The following PPP2R2B variants were observed in gnomAD, a reference collection of about 807,000 sequenced individuals.
PPP2R2B encodes the protein protein phosphatase 2 regulatory subunit Bbeta, also known as serine/threonine-protein phosphatase 2A 55 kDa regulatory subunit B beta isoform.
In PPP2R2B, 5 loss-of-function variants were observed where a neutral mutation model predicts 46.0. The observed-to-expected ratio is 0.11, with a 90% CI of 0.06 to 0.23. The LOEUF is 0.23. PPP2R2B is among the 10% of genes least tolerant of loss of function. The pLI is 1.00. For missense variants in PPP2R2B, 367 were observed against 575.0 expected, an observed-to-expected ratio of 0.64 and a Z score of 3.70; for synonymous variants, 215 against 206.7, an observed-to-expected ratio of 1.04 and a Z score of -0.34.
Position 146,619,727 on chromosome 5 carries a change from G to A in PPP2R2B, c.790+18524C>T, listed in dbSNP as rs569620604. On this transcript the variant is annotated intron_variant, in intron 7 of 9. Coordinates refer to ENST00000394411, the MANE Select transcript of PPP2R2B (RefSeq NM_181675.4). ...CAGTGATGATGGTGATGTCTGTGGT[G>A]CACTGGCATGTGCTGGGGCTGGATC... Among the ~76,000 whole-genome samples the A allele has an allele frequency of 9.2e-5, 14 of 152,276 alleles. No individual in the cohort carries two copies. The East Asian group carries it at 2.7e-3, about 29-fold the overall frequency.
chr5:146,892,188 A>T (rs906077211), intron 1 of PPP2R2B, among the ~76,000 whole-genome samples: 16 of 152,208 alleles, frequency 1.1e-4, no homozygotes, highest in Non-Finnish European at 8.8e-5. Context: ...ACAATAGAAT[A>T]AAAAGAGTCC....
At chr5:146,681,212 T>C (rs1280298467) in intron 5 of PPP2R2B, among the ~76,000 whole-genome samples, 1 of 152,256 alleles carries the variant, frequency 6.6e-6, no homozygotes, top group Non-Finnish European at 1.5e-5. Flanking sequence ...AGTCCTCTAC[T>C]GATTTCAAAT....
intron 2 of PPP2R2B, among the ~76,000 whole-genome samples, chr5:146,792,946 A>AT (rs1407381698): frequency 1.6e-4 from 25 of 152,212 alleles, no homozygotes; most frequent in Admixed American, 6.5e-4. Flanking sequence ...ATCTGACCTA[A>AT]TTTTTTATAG....
At chr5:146,956,632 T>G (rs1751923232) in intron 1 of PPP2R2B, among the ~76,000 whole-genome samples, 1 of 152,202 alleles carries the variant, frequency 6.6e-6, no homozygotes, top group African/African-American at 2.4e-5. Flanking sequence ...TATAGCTCTT[T>G]CCAGAAGACA....
At chr5:146,634,654 G>C (rs1323368976) in intron 7 of PPP2R2B, among the ~76,000 whole-genome samples, 1 of 151,980 alleles carries the variant, frequency 6.6e-6, no homozygotes, top group East Asian at 1.9e-4. Flanking sequence ...TTTTAGATTA[G>C]AACACCACCA....
At chr5:147,060,380 A>T (rs932200414), upstream of PPP2R2B, among the ~76,000 whole-genome samples, 3 of 152,146 alleles carry the variant, frequency 2.0e-5, no homozygotes, top group Non-Finnish European at 4.4e-5. Flanking sequence ...TAATCCTAGC[A>T]TTCTGGGAGG....
intron 1 of PPP2R2B, among the ~76,000 whole-genome samples, chr5:146,954,785 T>TGTGTGC (rs778456261): frequency 7.2e-5 from 11 of 151,754 alleles, no homozygotes; most frequent in Non-Finnish European, 1.6e-4. Context: ...TGTGTGTGTG[T>TGTGTGC]GTGTTGAGTT....
chr5:146,936,071 A>T (rs1764129493), intron 1 of PPP2R2B, among the ~76,000 whole-genome samples: 1 of 152,214 alleles, frequency 6.6e-6, no homozygotes, highest in African/African-American at 2.4e-5. Context: ...ACAGTCAAAT[A>T]GAATGGCATT....
intron 2 of PPP2R2B, among the ~76,000 whole-genome samples, chr5:147,077,402 A>G (rs1050172418): frequency 2.0e-5 from 3 of 151,874 alleles, no homozygotes; most frequent in Admixed American, 6.6e-5. Context: ...GCATGGAGAC[A>G]TTAACTTGCC....
chr5:146,961,408 G>A (rs539901785), intron 1 of PPP2R2B, among the ~76,000 whole-genome samples: 1 of 152,246 alleles, frequency 6.6e-6, no homozygotes, highest in African/African-American at 2.4e-5. Context: ...TTGTATTCAT[G>A]TACTATTTCA....
At chr5:146,854,755 C>T (rs1012427077) in intron 2 of PPP2R2B, among the ~76,000 whole-genome samples, 5 of 152,168 alleles carry the variant, frequency 3.3e-5, no homozygotes, top group African/African-American at 1.2e-4. Flanking sequence ...GTCACCAACC[C>T]TCCAAATTTG....
At chr5:147,015,456 T>C (rs1428504648) in intron 1 of PPP2R2B, among the ~76,000 whole-genome samples, 2 of 151,614 alleles carry the variant, frequency 1.3e-5, no homozygotes, top group Non-Finnish European at 2.9e-5. Context: ...CCTCCATATC[T>C]ATATTTGCCA....
chr5:146,966,658 G>T (rs949110752), intron 1 of PPP2R2B, among the ~76,000 whole-genome samples: 5 of 152,142 alleles, frequency 3.3e-5, no homozygotes, highest in African/African-American at 1.2e-4. Context: ...CAAGTGTGGG[G>T]CCATGTGAGC....
chr5:147,067,200 T>C (rs1401447259), intron 2 of PPP2R2B, among the ~76,000 whole-genome samples: 1 of 152,206 alleles, frequency 6.6e-6, no homozygotes, highest in Non-Finnish European at 1.5e-5. Flanking sequence ...AAAAATCTAC[T>C]CAGCAATTTT....
At chr5:147,081,047 G>A (rs2151914911) in intron 2 of PPP2R2B, 1 of 1,533,212 alleles carries the variant, frequency 6.5e-7, no homozygotes, top group Non-Finnish European at 8.7e-7. Context: ...AGGGCATGGG[G>A]ATTTCTCCTA....
chr5:147,008,334 G>T (rs1214033295), intron 1 of PPP2R2B, among the ~76,000 whole-genome samples: 7 of 152,070 alleles, frequency 4.6e-5, no homozygotes, highest in Admixed American at 2.6e-4. Flanking sequence ...GCTTATGAAG[G>T]TCTATGCATA....
intron 2 of PPP2R2B, among the ~76,000 whole-genome samples, chr5:146,805,306 A>T (rs566663553): frequency 6.6e-6 from 1 of 152,318 alleles, no homozygotes; most frequent in South Asian, 2.1e-4. Context: ...CAATGATGGC[A>T]TGCTGACTCA....
intron 5 of PPP2R2B, among the ~76,000 whole-genome samples, chr5:146,666,961 TCTC>T (rs1437891827): frequency 6.6e-6 from 1 of 152,122 alleles, no homozygotes; most frequent in Non-Finnish European, 1.5e-5. Context: ...TTTCCTAACC[TCTC>T]CTCCTAGATC....
At chr5:146,785,438 C>A (rs1171020499) in intron 2 of PPP2R2B, among the ~76,000 whole-genome samples, 1 of 152,078 alleles carries the variant, frequency 6.6e-6, no homozygotes, top group Non-Finnish European at 1.5e-5. Context: ...ATCCCTGGTA[C>A]TTGGGAGGCT....
Sources: allele counts gnomAD v4.1 joint callset (sites outside exome capture counted in the v4.1 genomes callset), GRCh38; gene constraint gnomAD v4.1.1; transcripts MANE v1.5; gene names NCBI Gene and HGNC (gene_info 2026-07-23, HGNC 2026-07-21).